The following MAN2A1 variants were observed in gnomAD, a reference collection of about 807,000 sequenced individuals.
The protein encoded by MAN2A1 is alpha-mannosidase 2.
In MAN2A1, 76 loss-of-function variants were observed where a neutral mutation model predicts 142.6. The ratio of observed to expected loss-of-function variants is 0.53; its 90% CI spans 0.44 to 0.65. The LOEUF is 0.65. Ranked by LOEUF, MAN2A1 falls within the 30% of genes least tolerant of loss-of-function variation. The pLI, the probability that MAN2A1 is intolerant of heterozygous loss-of-function variation, is 0.00. For missense variants in MAN2A1, 1,311 were observed against 1,365.1 expected (o/e 0.96, Z 0.62); for synonymous variants, 559 against 473.2 (o/e 1.18, Z -2.35).
chr5:109,814,719 A>G (rs1435543138), intron 12 of MAN2A1, among the ~76,000 whole-genome samples: 1 of 152,126 alleles, frequency 6.6e-6, no homozygotes, highest in Non-Finnish European at 1.5e-5. Context: ...TTATTATAAA[A>G]AGTGATTTAA....
At position 109,861,759 on chromosome 5, in the gene MAN2A1, T is replaced by G. The variant is rs976534789; in HGVS notation, c.3172-3277T>G. On this transcript the variant is annotated intron_variant, in intron 20 of 21. Transcript: ENST00000261483. ...TCTCAGAACCTTATACTGTCTTGCA[T>G]GGGAACAAGAAGGGAGAGGGAGCAC... Among the ~76,000 whole-genome samples the G allele has an allele frequency of 3.9e-5, 6 of 152,128 alleles. 1 individual carries two copies. Among genetic ancestry groups the G allele is most frequent in the Non-Finnish European group, 8.8e-5 (6 of 68,030 alleles).
chr5:109,747,105 A>C (rs1291111548), intron 4 of MAN2A1, among the ~76,000 whole-genome samples: 1 of 152,184 alleles, frequency 6.6e-6, no homozygotes, highest in South Asian at 2.1e-4. Context: ...CACTGTGAAT[A>C]ATGCTGCTGT....
rs1414165653 is a variant in MAN2A1, at chr5:109,713,716, T to C, written c.332T>C (p.Val111Ala). ...HLLPSQLSLSVDTADCLFASQ... is the reference protein window; with the variant it reads ...HLLPSQLSLSADTADCLFASQ... ...CTGCCCTCACAATTATCCCTCTCAG[T>C]TGACACTGCAGACTGTCTGTTTGCT... is the stretch of plus-strand genomic sequence containing the variant. The change falls in exon 2 of 22, where the codon GTT becomes GCT. Residue 111 changes from valine to alanine, a missense_variant. Val to Ala is a moderately conservative substitution (Grantham distance 64, BLOSUM62 0). This residue lies in a region of MAN2A1 where 409 missense variants were observed against 412.7 expected (regional missense o/e 0.99). Transcript: ENST00000261483. The C allele has an allele frequency of 1.2e-6, 2 of 1,614,078 alleles. No individual in the cohort carries two copies. Among genetic ancestry groups the C allele is most frequent in the Non-Finnish European group, 1.7e-6 (2 of 1,180,024 alleles).
chr5:109,695,938 A>G (rs930379249), intron 1 of MAN2A1, among the ~76,000 whole-genome samples: 1 of 152,218 alleles, frequency 6.6e-6, no homozygotes, highest in Non-Finnish European at 1.5e-5. Context: ...GCTCACATCT[A>G]GTGCTTTAGT....
chr5:109,770,614 T>A lies in MAN2A1; in HGVS notation c.1196+73T>A, dbSNP rs376589610. Reference sequence around the variant, plus strand: ...ACTTAGCTGCTAGTTGCTGAAGGGTTGAACAAATGGGCTTTATTAGCCAAC... The same window carrying A: ...ACTTAGCTGCTAGTTGCTGAAGGGTAGAACAAATGGGCTTTATTAGCCAAC... On this transcript the variant is annotated intron_variant, in intron 7 of 21. Transcript: ENST00000261483. 1.1e-5 allele frequency: 15 copies of A among 1,342,710 alleles called. No individual in the cohort carries two copies. In the African/African-American group the frequency reaches 1.9e-4, roughly 17 times the overall value. The allele number at this position is 1,342,710 out of a possible 1,614,324, so 83.2% of individuals were successfully genotyped here.
rs749687769 is a variant in MAN2A1 at position 109,855,121 on chromosome 5, T to G, written c.2977-19T>G. The stretch of plus-strand genomic sequence containing the variant: ...CTGGAAATATAGACCTCTTAAACAT[T>G]TTTGTTTTTTCTTGATAGGAAGAAG... On this transcript the variant is annotated intron_variant, in intron 19 of 21. Transcript: ENST00000261483. 43 of 1,461,890 alleles carry G rather than the reference T, an allele frequency of 2.9e-5. No homozygotes were observed. Among genetic ancestry groups the G allele is most frequent in the Non-Finnish European group, 3.8e-5 (42 of 1,097,290 alleles). 90.6% of individuals were successfully genotyped at this position (1,461,890 alleles called of 1,614,324 possible). A position where few individuals can be genotyped will look rare whatever the true frequency, so the allele number is the denominator to read the frequency against.
chr5:109,691,804 C>G (rs1290073966), intron 1 of MAN2A1, among the ~76,000 whole-genome samples: 15 of 152,116 alleles, frequency 9.9e-5, no homozygotes, highest in Admixed American at 9.8e-4. Flanking sequence ...GGTAGTATGA[C>G]AGAGAAAATA....
chr5:109,711,843 T>C (rs908066096), intron 1 of MAN2A1, among the ~76,000 whole-genome samples: 2 of 152,190 alleles, frequency 1.3e-5, no homozygotes, highest in Non-Finnish European at 2.9e-5. Flanking sequence ...TATCTTGTGG[T>C]GACTTATCAC....
intron 10 of MAN2A1, among the ~76,000 whole-genome samples, chr5:109,788,070 C>T (rs7716761): frequency 0.47 from 71,873 of 151,364 alleles, 18,505 homozygotes; most frequent in African/African-American, 0.68. Flanking sequence ...AAAATGTCTT[C>T]AAGGCATAGA....
At chr5:109,766,646 TG>T (rs1449817129) in intron 5 of MAN2A1, among the ~76,000 whole-genome samples, 1 of 152,104 alleles carries the variant, frequency 6.6e-6, no homozygotes, top group African/African-American at 2.4e-5. Context: ...TTTGTAACTG[TG>T]GGGTCTTTCA....
chr5:109,787,523 T>A (rs1582897111), intron 10 of MAN2A1, among the ~76,000 whole-genome samples: 1 of 152,076 alleles, frequency 6.6e-6, no homozygotes, highest in East Asian at 1.9e-4. Flanking sequence ...TGTTTTGTTT[T>A]AAGCAAAGCA....
At chr5:109,820,669 G>A (rs12374548) in intron 15 of MAN2A1, among the ~76,000 whole-genome samples, 2,835 of 152,196 alleles carry the variant, frequency 0.019, 35 homozygotes, top group Middle Eastern at 0.071. Context: ...ATTAGGCATG[G>A]TGGCCTGCAC....
chr5:109,754,373 A>T (rs1752626004), intron 4 of MAN2A1, among the ~76,000 whole-genome samples: 3 of 152,188 alleles, frequency 2.0e-5, no homozygotes, highest in African/African-American at 7.2e-5. Flanking sequence ...AGGAATACCC[A>T]ATAGACAAGT....
intron 13 of MAN2A1, among the ~76,000 whole-genome samples, chr5:109,818,130 T>C (rs578017387): frequency 6.6e-6 from 1 of 152,208 alleles, no homozygotes; most frequent in South Asian, 2.1e-4. Context: ...TATTGCTAGC[T>C]ACTTTTATTA....
intron 4 of MAN2A1, among the ~76,000 whole-genome samples, chr5:109,739,153 A>T (rs941143053): frequency 7.9e-5 from 12 of 152,058 alleles, no homozygotes; most frequent in African/African-American, 2.9e-4. Context: ...GTATAATGGG[A>T]AGATTTTAAC....
chr5:109,845,338 A>C (rs1755319829), intron 17 of MAN2A1, among the ~76,000 whole-genome samples: 1 of 152,226 alleles, frequency 6.6e-6, no homozygotes, highest in African/African-American at 2.4e-5. Flanking sequence ...CTAATCAAAA[A>C]GAGTAAGCAC....
intron 16 of MAN2A1, among the ~76,000 whole-genome samples, chr5:109,839,883 A>T (rs577960740): frequency 6.6e-6 from 1 of 151,418 alleles, no homozygotes; most frequent in Admixed American, 6.6e-5. Flanking sequence ...TAGAATTTCC[A>T]TTGTACTTTT....
chr5:109,801,072 G>T (rs548461416), intron 12 of MAN2A1, among the ~76,000 whole-genome samples: 90 of 152,176 alleles, frequency 5.9e-4, no homozygotes, highest in African/African-American at 2.1e-3. Context: ...GTATTGCACT[G>T]AACTGCATAC....
At chr5:109,723,093 G>C (rs759677497) in intron 3 of MAN2A1, among the ~76,000 whole-genome samples, 3 of 151,974 alleles carry the variant, frequency 2.0e-5, no homozygotes, top group Non-Finnish European at 4.4e-5. Flanking sequence ...TATAATAAGG[G>C]GTCACAGTTG....
Sources: gnomAD v4.1 joint callset for allele counts (sites outside exome capture counted in the v4.1 genomes callset) on GRCh38, gnomAD v4.1.1 for gene constraint, gnomAD v4.1.1 regional missense constraint, MANE v1.5 for transcripts, NCBI Gene and HGNC (gene_info 2026-07-23, HGNC 2026-07-21) for gene names.